The following ZNF782 variants were observed in gnomAD, a reference collection of about 807,000 sequenced individuals.
The protein encoded by ZNF782 is zinc finger protein 782.
A neutral mutation model predicts 13.0 loss-of-function variants in ZNF782; 12 were observed. That is an observed-to-expected ratio of 0.92 (90% CI 0.59 to 1.50). ZNF782 has a LOEUF of 1.50. Among genes scored for constraint, ZNF782 ranks in the 40% most tolerant of loss-of-function variants. ZNF782 has a pLI of 0.00. For synonymous variants in ZNF782, 284 were observed against 283.0 expected, an observed-to-expected ratio of 1.00 and a Z score of -0.04; for missense variants, 770 against 822.9, an observed-to-expected ratio of 0.94 and a Z score of 0.79.
Position 96,819,410 on chromosome 9 carries a change from G to T in ZNF782, c.613C>A (p.His205Asn). Reference sequence around the variant, plus strand: ...TGCCCCAGAGTCTGAATTGTCTGATGTTGAATAACTTCCTCCTTATGATGG... The same window carrying T: ...TGCCCCAGAGTCTGAATTGTCTGATTTTGAATAACTTCCTCCTTATGATGG... The part of the protein sequence containing the change: ...TLHHKEEVIQ[H>N]QTIQTLGQDF... The change falls in exon 6 of 6, where the codon CAT (histidine) becomes AAT (asparagine). Residue 205 changes from histidine to asparagine, a missense_variant. Coordinates refer to ENST00000481138, the MANE Select transcript of ZNF782 (RefSeq NM_001001662.3). The T allele has an allele frequency of 6.2e-7, 1 of 1,610,182 alleles. No individual in the cohort carries two copies.
At chr9:96,876,405 A>G (rs1180999305), upstream of ZNF782, among the ~76,000 whole-genome samples, 1 of 152,232 alleles carries the variant, frequency 6.6e-6, no homozygotes, top group Non-Finnish European at 1.5e-5. Context: ...GGCTATAGAT[A>G]GATGCTCATT....
Position 96,818,546 on chromosome 9 carries a change from G to C in ZNF782, c.1477C>G (p.Leu493Val). Residue 493 changes from leucine to valine, a missense_variant, in exon 6 of 6, where the codon CTA (leucine) becomes GTA (valine). By Grantham distance (32) the Leu-to-Val change is conservative. Coordinates refer to ENST00000481138, the MANE Select transcript of ZNF782 (RefSeq NM_001001662.3). ...CGKSFSHMSG[L>V]RNHRRTHTGE... Reference sequence around the variant, plus strand: ...GTGTGAGTTCTTCGGTGATTCCTTAGGCCTGACATATGGCTGAAAGATTTC... The same window carrying C: ...GTGTGAGTTCTTCGGTGATTCCTTACGCCTGACATATGGCTGAAAGATTTC... 6.2e-7 allele frequency: 1 copy of C among 1,613,654 alleles called. No individual in the cohort carries two copies. The highest frequency in any genetic ancestry group is 8.5e-7 in the Non-Finnish European group (1 of 1,179,934).
chr9:96,832,014 C>A (rs1470679264), intron 4 of ZNF782, among the ~76,000 whole-genome samples: 1 of 151,872 alleles, frequency 6.6e-6, no homozygotes, highest in Non-Finnish European at 1.5e-5. Flanking sequence ...GATAAGCTGC[C>A]ATTTTATTTG....
upstream of ZNF782, among the ~76,000 whole-genome samples, chr9:96,859,073 A>G (rs145903446): frequency 4.6e-5 from 7 of 150,596 alleles, no homozygotes; most frequent in African/African-American, 1.5e-4. Context: ...CCCACAGAGG[A>G]AACATTTACA....
intron 5 of ZNF782, among the ~76,000 whole-genome samples, chr9:96,820,451 T>C: frequency 6.6e-6 from 1 of 152,052 alleles, no homozygotes; most frequent in Admixed American, 6.6e-5. Flanking sequence ...TTGATGGGAG[T>C]TAAAGTCATT....
At chr9:96,837,594 T>C (rs1166563846) in intron 4 of ZNF782, among the ~76,000 whole-genome samples, 1 of 152,222 alleles carries the variant, frequency 6.6e-6, no homozygotes, top group African/African-American at 2.4e-5. Flanking sequence ...GCTCTTTCTT[T>C]AGTTTCTTAA....
chr9:96,875,959 C>T (rs1048934010), upstream of ZNF782, among the ~76,000 whole-genome samples: 5 of 152,342 alleles, frequency 3.3e-5, no homozygotes, highest in East Asian at 9.6e-4. Flanking sequence ...TTTAAGACTA[C>T]GTTTCCCAGA....
At chr9:96,871,778 T>C (rs1230218383) in intron 1 of ZNF782, among the ~76,000 whole-genome samples, 2 of 152,228 alleles carry the variant, frequency 1.3e-5, no homozygotes, top group Non-Finnish European at 2.9e-5. Context: ...GCTTTGTAAA[T>C]ATTTGTAGCA....
At chr9:96,931,834 C>A in the ZNF782 span, 1 of 1,612,358 alleles carries the variant, frequency 6.2e-7, no homozygotes, top group Non-Finnish European at 8.5e-7. Flanking sequence ...GGCCGCCCCT[C>A]GTGACTGCAG....
At chr9:96,890,209 G>A in the ZNF782 span, 1 of 152,422 alleles carries the variant, frequency 6.6e-6, no homozygotes. Flanking sequence ...GTCCCGCAGG[G>A]GAAGAGATGA....
At chr9:96,930,872 G>GT in the ZNF782 span, among the ~76,000 whole-genome samples, 102 of 72,722 alleles carry the variant, frequency 1.4e-3, 28 homozygotes, top group East Asian at 3.8e-3. Context: ...CCATCCAGTG[G>GT]TTTTTTTTTT....
intron 4 of ZNF782, among the ~76,000 whole-genome samples, chr9:96,830,022 A>G (rs1850746793): frequency 1.3e-5 from 2 of 152,212 alleles, no homozygotes; most frequent in South Asian, 4.1e-4. Context: ...TTGGCCTCAT[A>G]TATTCCAAAT....
intron 5 of ZNF782, among the ~76,000 whole-genome samples, chr9:96,822,968 T>A (rs867685228): frequency 6.6e-6 from 1 of 152,222 alleles, no homozygotes; most frequent in East Asian, 1.9e-4. Context: ...CAAAATACTT[T>A]TATATTTTGT....
the ZNF782 span, among the ~76,000 whole-genome samples, chr9:96,901,509 AG>A: frequency 1.3e-5 from 2 of 151,718 alleles, no homozygotes; most frequent in Non-Finnish European, 2.9e-5. Flanking sequence ...TGACCTAAGG[AG>A]ATCCTCCCAC....
the ZNF782 span, chr9:96,932,546 G>C: frequency 7.5e-7 from 1 of 1,331,746 alleles, no homozygotes; most frequent in East Asian, 2.4e-5. Context: ...TTGTGCTATG[G>C]GAAGGTACAT....
At chr9:96,898,356 GAATTTACCTAT>G in the ZNF782 span, among the ~76,000 whole-genome samples, 12 of 147,830 alleles carry the variant, frequency 8.1e-5, no homozygotes, top group African/African-American at 3.1e-4. Flanking sequence ...GTGTTTCTAT[GAATTTACCTAT>G]CTTGGACGTT....
intron 5 of ZNF782, among the ~76,000 whole-genome samples, chr9:96,824,792 A>T: frequency 3.4e-5 from 5 of 148,862 alleles, no homozygotes; most frequent in Non-Finnish European, 6.0e-5. Flanking sequence ...TCATGAGTGA[A>T]CTCCCATTCA....
the ZNF782 span, among the ~76,000 whole-genome samples, chr9:96,912,395 G>A: frequency 1.2e-4 from 18 of 148,462 alleles, no homozygotes; most frequent in African/African-American, 3.9e-4. Context: ...GCGTAGTGGC[G>A]GGCGCCTGTA....
upstream of ZNF782, among the ~76,000 whole-genome samples, chr9:96,880,507 G>A (rs958830241): frequency 2.0e-5 from 3 of 152,140 alleles, no homozygotes; most frequent in Admixed American, 1.3e-4. Flanking sequence ...GTTTGATCTG[G>A]TCAAATGCTT....
Sources: allele counts gnomAD v4.1 joint callset (sites outside exome capture counted in the v4.1 genomes callset), GRCh38; gene constraint gnomAD v4.1.1; transcripts MANE v1.5; gene names NCBI Gene and HGNC (gene_info 2026-07-23, HGNC 2026-07-21).